The following FHIT variants were observed in gnomAD, a reference collection of about 807,000 sequenced individuals.
FHIT encodes bis(5'-adenosyl)-triphosphatase.
A neutral mutation model predicts 17.9 loss-of-function variants in FHIT; 19 were observed. The observed-to-expected ratio is 1.06, with a 90% CI of 0.74 to 1.56. The LOEUF is 1.56. FHIT is among the 40% of genes most tolerant of loss of function. The pLI, the probability that FHIT is intolerant of heterozygous loss-of-function variation, is 0.00. For missense variants in FHIT, 248 were observed against 189.2 expected, an observed-to-expected ratio of 1.31 and a Z score of -1.82; for synonymous variants, 81 against 69.7, an observed-to-expected ratio of 1.16 and a Z score of -0.81.
intron 3 of FHIT, among the ~76,000 whole-genome samples, chr3:60,931,078 G>A (rs1202430183): frequency 6.6e-6 from 1 of 152,130 alleles, no homozygotes; most frequent in East Asian, 1.9e-4. Context: ...CATGGATGAA[G>A]CTGGAAACCA....
chr3:60,797,704 A>G (rs1285600747), intron 4 of FHIT, among the ~76,000 whole-genome samples: 2 of 149,650 alleles, frequency 1.3e-5, no homozygotes, highest in Non-Finnish European at 3.0e-5. Flanking sequence ...TCACATTGGC[A>G]ACTAGATGGG....
intron 4 of FHIT, among the ~76,000 whole-genome samples, chr3:60,732,790 G>A (rs1330642133): frequency 6.7e-6 from 1 of 148,706 alleles, no homozygotes; most frequent in Non-Finnish European, 1.5e-5. Context: ...GGGTTCAAGT[G>A]ATTCTCCTGC....
chr3:60,927,074 G>A (rs1235235926), intron 3 of FHIT, among the ~76,000 whole-genome samples: 7 of 152,132 alleles, frequency 4.6e-5, no homozygotes, highest in South Asian at 2.1e-4. Flanking sequence ...GTACTGCCAC[G>A]ATCTCGGCTC....
At chr3:60,616,927 TCAG>T (rs1559585813) in intron 4 of FHIT, 1 of 154,418 alleles carries the variant, frequency 6.5e-6, no homozygotes. Flanking sequence ...GACCTGATTT[TCAG>T]CAGAAATGCT....
At chr3:60,615,262 TATA>T (rs2038917859) in intron 4 of FHIT, among the ~76,000 whole-genome samples, 1 of 152,176 alleles carries the variant, frequency 6.6e-6, no homozygotes, top group African/African-American at 2.4e-5. Flanking sequence ...TTACCAATCA[TATA>T]ATATCAGACA....
chr3:60,311,931 A>G lies in FHIT; in HGVS notation c.103+224929T>C, dbSNP rs1485922196. 3.3e-5 allele frequency among the ~76,000 whole-genome samples: 5 copies of G among 152,180 alleles called. 1 individual carries two copies. The South Asian group carries it at 8.3e-4, about 25-fold the overall frequency. On this transcript the variant is annotated intron_variant, in intron 5 of 9. Coordinates refer to ENST00000492590, the MANE Select transcript of FHIT (RefSeq NM_002012.4). ...TTGAGAAAATCAAGACCTAAGGAAG[A>G]AAAAAACGACTTGCCTAAGGTAATA... is the stretch of plus-strand genomic sequence containing the variant.
chr3:61,135,843 G>T (rs2106974127), intron 2 of FHIT, among the ~76,000 whole-genome samples: 1 of 152,202 alleles, frequency 6.6e-6, no homozygotes, highest in Middle Eastern at 3.4e-3. Context: ...ATAGAAAACT[G>T]AGCAAAAACC....
intron 6 of FHIT, 98 bp from the exon 7 acceptor site, chr3:60,011,498 T>C (rs1700138861): frequency 2.9e-6 from 3 of 1,043,748 alleles, no homozygotes; most frequent in Non-Finnish European, 3.0e-6. Context: ...TGCAATTTCA[T>C]TGTGTGTTAA....
At chr3:60,238,665 T>C (rs897670455) in intron 5 of FHIT, among the ~76,000 whole-genome samples, 4 of 152,262 alleles carry the variant, frequency 2.6e-5, no homozygotes, top group African/African-American at 9.6e-5. Context: ...AAACCCTTAG[T>C]GTAGTTGCAC....
chr3:60,344,197 G>A (rs1406451910), intron 5 of FHIT, among the ~76,000 whole-genome samples: 2 of 151,984 alleles, frequency 1.3e-5, no homozygotes, highest in Non-Finnish European at 2.9e-5. Context: ...TTTACTGATG[G>A]GTAGCATTTG....
intron 7 of FHIT, among the ~76,000 whole-genome samples, chr3:59,972,595 C>T (rs1708235739): frequency 6.6e-6 from 1 of 152,022 alleles, no homozygotes; most frequent in Non-Finnish European, 1.5e-5. Flanking sequence ...TTCCATCCTG[C>T]CCCAGATTCT....
intron 6 of FHIT, among the ~76,000 whole-genome samples, 178 bp from the exon 7 acceptor site, chr3:60,011,578 AGAGT>A (rs1400890210): frequency 4.1e-5 from 2 of 48,986 alleles, no homozygotes; most frequent in Admixed American, 2.0e-4. Context: ...TTTCCGCCTG[AGAGT>A]AAGTGCGAAG....
At chr3:60,207,320 C>G (rs919354425) in intron 5 of FHIT, among the ~76,000 whole-genome samples, 1 of 152,090 alleles carries the variant, frequency 6.6e-6, no homozygotes, top group African/African-American at 2.4e-5. Flanking sequence ...AGACAGCCAT[C>G]TCAACAATCG....
In FHIT at chr3:60,255,925, CCT is replaced by C. The variant is rs1216799355; in HGVS notation, c.104-241775_104-241774del. ...GTTAGTGCTATGGCTTATTTCATGC[CCT>C]GTCCTTGAGGGGGATCTCAGCCCCT... On this transcript the variant is annotated intron_variant, in intron 5 of 9. Coordinates refer to ENST00000492590, the MANE Select transcript of FHIT (RefSeq NM_002012.4). Among the ~76,000 whole-genome samples the C allele has an allele frequency of 8.5e-5, 13 of 152,078 alleles. No individual in the cohort carries two copies. The East Asian group carries it at 2.5e-3, about 29-fold the overall frequency.
At chr3:60,588,317 T>C (rs1245725126) in intron 4 of FHIT, among the ~76,000 whole-genome samples, 4 of 152,070 alleles carry the variant, frequency 2.6e-5, no homozygotes, top group Admixed American at 1.3e-4. Flanking sequence ...TACTGATTTC[T>C]TTAAAATATA....
intron 5 of FHIT, among the ~76,000 whole-genome samples, chr3:60,531,529 C>T (rs546078818): frequency 2.6e-5 from 4 of 152,176 alleles, no homozygotes; most frequent in Admixed American, 2.0e-4. Context: ...CCGCCCGCCT[C>T]GGCCTCCCAA....
intron 8 of FHIT, among the ~76,000 whole-genome samples, chr3:59,851,487 T>G (rs1575588976): frequency 6.6e-6 from 1 of 152,200 alleles, no homozygotes; most frequent in Non-Finnish European, 1.5e-5. Context: ...GTAACTTGTC[T>G]TAAGTTAAAC....
chr3:60,108,851 C>T (rs139346981), intron 5 of FHIT, among the ~76,000 whole-genome samples: 10 of 151,926 alleles, frequency 6.6e-5, no homozygotes, highest in Admixed American at 2.0e-4. Context: ...GTAGTAGAGA[C>T]GGGGTTTCTC....
intron 4 of FHIT, chr3:60,617,891 TA>T (rs1553676614): frequency 9.8e-6 from 2 of 204,514 alleles, no homozygotes; most frequent in African/African-American, 4.8e-5. Flanking sequence ...CATAGAATAA[TA>T]AATTAGCCTT....
Sources: gnomAD v4.1 joint callset for allele counts (sites outside exome capture counted in the v4.1 genomes callset) on GRCh38, gnomAD v4.1.1 for gene constraint, MANE v1.5 for transcripts, NCBI Gene and HGNC (gene_info 2026-07-23, HGNC 2026-07-21) for gene names.